The following FTCD variants were observed in gnomAD, a reference collection of about 807,000 sequenced individuals.
FTCD encodes the protein formimidoyltransferase-cyclodeaminase.
Under a neutral mutation model 62.9 loss-of-function variants are expected in FTCD, and 76 were observed. The observed-to-expected ratio is 1.21, with a 90% CI of 1.00 to 1.46. The LOEUF (loss-of-function observed/expected upper bound fraction) is 1.46. Ranked by LOEUF, FTCD falls within the 40% of genes most tolerant of loss-of-function variation. The pLI is 0.00. For missense variants in FTCD, 845 were observed against 751.3 expected (o/e 1.12, Z -1.46); for synonymous variants, 397 against 336.9 (o/e 1.18, Z -1.95).
intron 3 of FTCD, 33 bp from the exon 4 acceptor site, chr21:46,152,013 G>T: frequency 6.8e-7 from 1 of 1,475,120 alleles, no homozygotes; most frequent in Non-Finnish European, 9.3e-7. Flanking sequence ...GGCCTGGACC[G>T]GCAGGGGGTC....
downstream of FTCD, chr21:46,136,430 G>A (rs139773262): frequency 2.6e-3 from 4,235 of 1,612,436 alleles, 8 homozygotes; most frequent in Non-Finnish European, 3.3e-3. Context: ...CAGACCTGCC[G>A]GGAGCTGCAC....
intron 2 of FTCD, among the ~76,000 whole-genome samples, 169 bp from the exon 3 acceptor site, chr21:46,153,204 A>G (rs771480689): frequency 1.3e-5 from 2 of 152,156 alleles, no homozygotes; most frequent in Non-Finnish European, 2.9e-5. Flanking sequence ...GGGCGCTCCC[A>G]GCCCTGCCCC....
intron 11 of FTCD, 73 bp downstream of exon 11, chr21:46,138,807 C>T: frequency 6.8e-7 from 1 of 1,460,640 alleles, no homozygotes; most frequent in Non-Finnish European, 9.6e-7. Flanking sequence ...TCACAGCACC[C>T]AGGTACTCGG....
intron 10 of FTCD, among the ~76,000 whole-genome samples, chr21:46,139,827 C>T (rs147227260): frequency 6.6e-6 from 1 of 152,278 alleles, no homozygotes; most frequent in East Asian, 1.9e-4. Flanking sequence ...CAGTTGCAGG[C>T]GGAGGCAGGA....
rs201526348 is a variant in FTCD, at chr21:46,151,654, C to A, written c.540G>T (p.Lys180Asn). The A allele has an allele frequency of 2.5e-6, 4 of 1,613,078 alleles. No individual in the cohort carries two copies. Among genetic ancestry groups the A allele is most frequent in the Admixed American group, 1.7e-5 (1 of 60,034 alleles). ...GGTTGATGTTAAAAGCAATGAGGAA[C>A]TTCCTCGCCCCCGTGGCCGTGGCCC... ...SWGATATGAR[K>N]FLIAFNINLL... Residue 180 changes from lysine to asparagine, a missense_variant, in exon 5 of 14, where the codon AAG becomes AAT. Lys to Asn is a moderately conservative substitution (Grantham distance 94). Transcript: ENST00000397746.
Position 46,138,410 on chromosome 21 carries a change from G to A in FTCD, c.1443+98C>T, listed in dbSNP as rs566769020. The A allele has an allele frequency of 5.7e-6, 7 of 1,228,568 alleles. No homozygotes were observed. The South Asian group carries it at 6.4e-5, about 11-fold the overall frequency. 76.1% of individuals were successfully genotyped at this position (1,228,568 alleles called of 1,614,324 possible). A position where few individuals can be genotyped will look rare whatever the true frequency, so the allele number is the denominator to read the frequency against. On this transcript the variant is annotated intron_variant, in intron 12 of 13. Transcript: ENST00000397746. ...CCGTGAAGTGAGGTCTCCCTACCTG[G>A]CTCAGCCCAGCCAACCACCGTGCTC... is the stretch of plus-strand genomic sequence containing the variant.
intron 10 of FTCD, among the ~76,000 whole-genome samples, chr21:46,141,204 C>T (rs1023904006): frequency 1.2e-4 from 18 of 152,168 alleles, no homozygotes; most frequent in African/African-American, 4.1e-4. Flanking sequence ...GTGGTGCAAT[C>T]ACGACTCACT....
chr21:46,151,458 G>A (rs1430997607), intron 5 of FTCD, 100 bp downstream of exon 5: 4 of 954,922 alleles, frequency 4.2e-6, no homozygotes, highest in Admixed American at 2.4e-5. Context: ...CTGTCCGGCC[G>A]GTGCCCCATC....
chr21:46,151,450 G>A (rs2079271129), intron 5 of FTCD, 108 bp downstream of exon 5: 3 of 976,236 alleles, frequency 3.1e-6, no homozygotes, highest in Admixed American at 2.0e-5. Context: ...GCCGAACCCT[G>A]TCCGGCCGGT....
rs544194529 is a variant in FTCD, at chr21:46,137,938, CAAG to C, written c.1443+567_1443+569del. On this transcript the variant is annotated intron_variant, in intron 12 of 13. Coordinates refer to ENST00000397746, the MANE Select transcript of FTCD (RefSeq NM_206965.2). Reference sequence around the variant, plus strand: ...TTGACCCAGGGTCTTGCTCTGTCACCAAGGCTGGAGCGCAGTGGTGTGATCACG... The same window carrying C: ...TTGACCCAGGGTCTTGCTCTGTCACCGCTGGAGCGCAGTGGTGTGATCACG... 2.8e-4 allele frequency among the ~76,000 whole-genome samples: 43 copies of C among 152,310 alleles called. No homozygotes were observed. In the East Asian group the frequency reaches 8.1e-3, roughly 29 times the overall value.
At position 46,138,521 on chromosome 21, in the gene FTCD, C is replaced by A. The variant is rs539095795; in HGVS notation, c.1430G>T (p.Arg477Leu). 1 of 1,585,978 alleles carries A rather than the reference C, an allele frequency of 6.3e-7. No homozygotes were observed. The highest frequency in any genetic ancestry group is 8.5e-7 in the Non-Finnish European group (1 of 1,173,154). ...ELARCGNLACRSDLQVAAKAL... is the reference protein window; with the variant it reads ...ELARCGNLACLSDLQVAAKAL... ...GGGCCCCCCTACCTGGAGGTCTGAC[C>A]GGCAGGCCAGGTTCCCACACCGGGC... The change falls in exon 12 of 14, where the codon CGG (arginine) becomes CTG (leucine). Residue 477 changes from arginine to leucine, a missense_variant. By Grantham distance (102) the Arg-to-Leu change is moderately radical (BLOSUM62 -2). Coordinates refer to ENST00000397746, the MANE Select transcript of FTCD (RefSeq NM_206965.2).
chr21:46,139,957 G>A (rs182649411), intron 10 of FTCD, among the ~76,000 whole-genome samples: 7 of 152,340 alleles, frequency 4.6e-5, no homozygotes, highest in East Asian at 1.9e-4. Flanking sequence ...CCTCATCTGC[G>A]TCCGGCCGAG....
intron 10 of FTCD, chr21:46,142,587 G>A (rs140101509): frequency 1.3e-5 from 2 of 152,416 alleles, no homozygotes; most frequent in Admixed American, 6.5e-5. Context: ...ACACACCTTG[G>A]CAGTGAGTGT....
downstream of FTCD, chr21:46,136,696 C>A (rs1049534770): frequency 1.5e-5 from 22 of 1,466,996 alleles, no homozygotes; most frequent in Non-Finnish European, 2.0e-5. Context: ...CCATGGGCCA[C>A]TGACCATATG....
At chr21:46,136,624 G>A (rs2078872256), downstream of FTCD, 20 of 1,498,172 alleles carry the variant, frequency 1.3e-5, no homozygotes, top group Non-Finnish European at 1.8e-5. Context: ...TGGGTGTCTG[G>A]GGACCCTGGC....
intron 12 of FTCD, among the ~76,000 whole-genome samples, chr21:46,138,030 G>A (rs2078909388): frequency 6.6e-6 from 1 of 152,146 alleles, no homozygotes; most frequent in Non-Finnish European, 1.5e-5. Context: ...CCAAGTAGCT[G>A]GGACCACAGG....
intron 10 of FTCD, among the ~76,000 whole-genome samples, chr21:46,141,212 A>G (rs1412318378): frequency 3.3e-5 from 5 of 152,090 alleles, no homozygotes; most frequent in Non-Finnish European, 5.9e-5. Context: ...ATCACGACTC[A>G]CTGCAGCCTC....
rs766229264 is a variant in FTCD, at chr21:46,138,666, A to G, written c.1305-20T>C. The G allele has an allele frequency of 2.4e-5, 38 of 1,595,456 alleles. No homozygotes were observed. In the South Asian group the frequency reaches 3.3e-4, roughly 14 times the overall value. ...GTGCGCCTGAAAGGAGCAAGAGGAG[A>G]GCCTGAGCACAGCGGCACACACAGG... On this transcript the variant is annotated intron_variant, in intron 11 of 13. Coordinates refer to ENST00000397746, the MANE Select transcript of FTCD (RefSeq NM_206965.2).
chr21:46,141,716 T>TAA (rs111415592), intron 10 of FTCD, among the ~76,000 whole-genome samples: 11,404 of 145,208 alleles, frequency 0.079, 502 homozygotes, highest in African/African-American at 0.14. Context: ...CCTCCCCTAT[T>TAA]AAAAAAAAAA....
Sources: gnomAD v4.1 joint callset for allele counts (sites outside exome capture counted in the v4.1 genomes callset) on GRCh38, gnomAD v4.1.1 for gene constraint, MANE v1.5 for transcripts, NCBI Gene and HGNC (gene_info 2026-07-23, HGNC 2026-07-21) for gene names.